Variants in DLG2 observed in about 807,000 individuals in gnomAD.
DLG2 encodes the protein discs large MAGUK scaffold protein 2.
Under a neutral mutation model 132.5 loss-of-function variants are expected in DLG2, and 45 were observed. The ratio of observed to expected loss-of-function variants is 0.34; its 90% CI spans 0.27 to 0.44. The LOEUF (loss-of-function observed/expected upper bound fraction) is 0.44. DLG2 is among the 20% of genes least tolerant of loss of function. The probability of loss-of-function intolerance (pLI) is 1.00; values close to 1 mark genes in which losing one functional copy is unlikely to be tolerated. For missense variants in DLG2, 1,045 were observed against 1,196.9 expected (o/e 0.87, Z 1.87); for synonymous variants, 424 against 419.6 (o/e 1.01, Z -0.13).
intron 14 of DLG2, among the ~76,000 whole-genome samples, chr11:83,938,530 C>T (rs922309568): frequency 6.6e-6 from 1 of 152,108 alleles, no homozygotes; most frequent in Admixed American, 6.5e-5. Flanking sequence ...GTCTTGAGTA[C>T]AATTTTAAAA....
intron 3 of DLG2, among the ~76,000 whole-genome samples, chr11:85,450,462 T>C (rs1011178513): frequency 1.3e-5 from 2 of 152,228 alleles, no homozygotes; most frequent in African/African-American, 4.8e-5. Flanking sequence ...ATAGCTATGA[T>C]ATCAGCAACC....
chr11:84,194,822 C>G (rs2096484300), intron 8 of DLG2, among the ~76,000 whole-genome samples: 1 of 152,170 alleles, frequency 6.6e-6, no homozygotes, highest in African/African-American at 2.4e-5. Flanking sequence ...CACTCCTCAG[C>G]CCTTGGGCAG....
intron 21 of DLG2, among the ~76,000 whole-genome samples, chr11:83,505,084 A>C (rs12287201): frequency 0.2 from 29,845 of 152,120 alleles, 3,166 homozygotes; most frequent in Non-Finnish European, 0.21. Context: ...TCATGAGTCC[A>C]CAGATGGTAG....
chr11:85,054,093 C>T (rs975561106), intron 6 of DLG2, among the ~76,000 whole-genome samples: 1 of 151,668 alleles, frequency 6.6e-6, no homozygotes, highest in Non-Finnish European at 1.5e-5. Context: ...GGTGAAACCA[C>T]ATCTCTAATA....
intron 3 of DLG2, among the ~76,000 whole-genome samples, chr11:85,431,744 C>G (rs2091198779): frequency 6.6e-6 from 1 of 152,234 alleles, no homozygotes; most frequent in Non-Finnish European, 1.5e-5. Flanking sequence ...CCTGCTAGCT[C>G]TGAGGAATCT....
intron 11 of DLG2, among the ~76,000 whole-genome samples, chr11:84,015,089 A>G (rs2095102830): frequency 1.3e-5 from 2 of 152,166 alleles, no homozygotes; most frequent in African/African-American, 4.8e-5. Context: ...GATTTTGTAC[A>G]TTTAATCATT....
intron 7 of DLG2, among the ~76,000 whole-genome samples, chr11:84,512,130 G>A (rs552673437): frequency 2.0e-5 from 3 of 152,216 alleles, no homozygotes; most frequent in East Asian, 3.9e-4. Context: ...TTACATATAA[G>A]CAACAGACCA....
rs563437788 is a variant in DLG2 at position 84,468,712 on chromosome 11, T to TA, written c.519+65857dup. Among the ~76,000 whole-genome samples, 50 of 151,614 alleles carry TA rather than the reference T, an allele frequency of 3.3e-4. No homozygotes were observed. In the East Asian group the frequency reaches 7.4e-3, roughly 22 times the overall value. On this transcript the variant is annotated intron_variant, in intron 7 of 27. Transcript: ENST00000376104. Reference sequence around the variant, plus strand: ...ACCATGTTTCTCAAACTTACTTAGGTAAAAAAAATCAAATTTACCAAGTAG... The same window carrying TA: ...ACCATGTTTCTCAAACTTACTTAGGTAAAAAAAAATCAAATTTACCAAGTAG...
At chr11:85,527,169 TG>T (rs1314486172) in intron 3 of DLG2, among the ~76,000 whole-genome samples, 4 of 144,508 alleles carry the variant, frequency 2.8e-5, no homozygotes, top group African/African-American at 1.1e-4. Flanking sequence ...GCCTAAAGGA[TG>T]TTTTTATTTT....
intron 6 of DLG2, among the ~76,000 whole-genome samples, chr11:84,771,810 A>T (rs2153890234): frequency 6.6e-6 from 1 of 152,308 alleles, no homozygotes; most frequent in Non-Finnish European, 1.5e-5. Context: ...CATAAATGTA[A>T]ATGCTCTAAA....
chr11:84,566,810 A>T (rs1015120055), intron 6 of DLG2, among the ~76,000 whole-genome samples: 5 of 152,172 alleles, frequency 3.3e-5, no homozygotes, highest in Non-Finnish European at 5.9e-5. Context: ...TTGCAGGATA[A>T]ATTTTTTAAA....
chr11:84,770,334 G>A (rs945390161), intron 6 of DLG2, among the ~76,000 whole-genome samples: 3 of 152,014 alleles, frequency 2.0e-5, no homozygotes, highest in African/African-American at 7.3e-5. Context: ...TTAGATTCAG[G>A]GGTACATGTG....
intron 6 of DLG2, among the ~76,000 whole-genome samples, chr11:85,084,588 G>A (rs558654206): frequency 1.3e-5 from 2 of 152,282 alleles, no homozygotes; most frequent in South Asian, 2.1e-4. Context: ...AGTGTAACCA[G>A]TCAGCATGGT....
chr11:85,215,976 T>C (rs2082562890), intron 4 of DLG2, among the ~76,000 whole-genome samples: 1 of 149,092 alleles, frequency 6.7e-6, no homozygotes, highest in African/African-American at 2.5e-5. Context: ...GAAGGACAAT[T>C]AAACAGATCA....
At chr11:84,267,548 A>G (rs2097657148) in intron 7 of DLG2, among the ~76,000 whole-genome samples, 1 of 152,186 alleles carries the variant, frequency 6.6e-6, no homozygotes, top group Non-Finnish European at 1.5e-5. Flanking sequence ...ACTCACTTGC[A>G]CTGGCTTAAG....
chr11:84,327,826 C>T (rs1054396337), intron 7 of DLG2, among the ~76,000 whole-genome samples: 8 of 152,036 alleles, frequency 5.3e-5, no homozygotes, highest in African/African-American at 1.9e-4. Context: ...TTTTAAGTTC[C>T]TTAGTTCTTA....
intron 7 of DLG2, among the ~76,000 whole-genome samples, chr11:84,423,531 C>T (rs1384864692): frequency 2.0e-5 from 3 of 152,080 alleles, no homozygotes; most frequent in African/African-American, 4.8e-5. Context: ...AATCCCTAAA[C>T]ACATCATATT....
chr11:84,618,209 C>T (rs2154540318), intron 6 of DLG2, among the ~76,000 whole-genome samples: 1 of 152,034 alleles, frequency 6.6e-6, no homozygotes, highest in African/African-American at 2.4e-5. Flanking sequence ...TGGAGAAGTC[C>T]AAAGAGGTTG....
chr11:84,923,042 A>G (rs375478321), intron 6 of DLG2: 15 of 1,613,222 alleles, frequency 9.3e-6, no homozygotes, highest in Non-Finnish European at 1.3e-5. Flanking sequence ...TTTAACATGT[A>G]TATTGTGCCC....
Sources: gnomAD v4.1 joint callset for allele counts (sites outside exome capture counted in the v4.1 genomes callset) on GRCh38, gnomAD v4.1.1 for gene constraint, MANE v1.5 for transcripts, NCBI Gene and HGNC (gene_info 2026-07-23, HGNC 2026-07-21) for gene names.